Variants in FSIP2 observed in about 807,000 individuals in gnomAD.
FSIP2 encodes fibrous sheath-interacting protein 2.
Under a neutral mutation model 510.5 loss-of-function variants are expected in FSIP2, and 367 were observed. The observed-to-expected ratio is 0.72, with a 90% CI of 0.66 to 0.78. The LOEUF (loss-of-function observed/expected upper bound fraction) is 0.78. Among genes scored for constraint, FSIP2 ranks in the 30% least tolerant of loss-of-function variants. The pLI is 0.00. For synonymous variants in FSIP2, 2,601 were observed against 2,732.2 expected (o/e 0.95, Z 1.50); for missense variants, 7,594 against 7,901.7 (o/e 0.96, Z 1.48).
At chr2:185,745,233 C>G (rs1384337562) in intron 4 of FSIP2, among the ~76,000 whole-genome samples, 196 bp from the exon 5 acceptor site, 1 of 152,082 alleles carries the variant, frequency 6.6e-6, no homozygotes, top group Non-Finnish European at 1.5e-5. Context: ...GACAAATAAA[C>G]TGAAATGTTT....
At position 185,801,474 on chromosome 2, in the gene FSIP2, G is replaced by A. The variant is rs763816410; in HGVS notation, c.12168G>A (p.Gln4056=). The A allele has an allele frequency of 1.2e-4, 190 of 1,533,824 alleles. No homozygotes were observed. The highest frequency in any genetic ancestry group is 2.6e-4 in the Admixed American group (13 of 50,846). ...IVDSVYYDVL[Q]QYELKVACGN... ...ACTCAGTTTATTATGATGTTTTACA[G>A]CAGTATGAATTAAAAGTGGCCTGTG... Residue 4056 remains glutamine (Q), a synonymous_variant, in exon 17 of 23, where the codon CAG becomes CAA. Coordinates refer to ENST00000424728, the MANE Select transcript of FSIP2 (RefSeq NM_173651.4).
rs1693510065 is a variant in FSIP2, at chr2:185,804,340, T to C, written c.15034T>C (p.Cys5012Arg). The change falls in exon 17 of 23, where the codon TGT (cysteine) becomes CGT (arginine). Residue 5012 changes from cysteine to arginine, a missense_variant. Transcript: ENST00000424728. ...TGCAGATAACTTTGATAAAAATTTGTGTTTCTCAGAAAGATACAAAGAAAT... is the reference window on the plus strand; with the variant it reads ...TGCAGATAACTTTGATAAAAATTTGCGTTTCTCAGAAAGATACAAAGAAAT... ...LVADNFDKNL[C>R]FSERYKEMVQ... The C allele has an allele frequency of 6.6e-7, 1 of 1,506,016 alleles. No homozygotes were observed. Among genetic ancestry groups the C allele is most frequent in the African/African-American group, 1.4e-5 (1 of 71,254 alleles). The allele number at this position is 1,506,016 out of a possible 1,614,324, so 93.3% of individuals were successfully genotyped here. A position where few individuals can be genotyped will look rare whatever the true frequency, so the allele number is the denominator to read the frequency against.
At position 185,796,858 on chromosome 2, in the gene FSIP2, T is replaced by C; in HGVS notation, c.9722T>C (p.Val3241Ala). 6.5e-7 allele frequency: 1 copy of C among 1,535,100 alleles called. No homozygotes were observed. Among genetic ancestry groups the C allele is most frequent in the Non-Finnish European group, 8.7e-7 (1 of 1,146,288 alleles). ...TMPSCSTRNK[V>A]QDHRPRESNF... is the part of the protein sequence containing the mutation. ...CCATCGTGTTCTACTAGAAACAAAG[T>C]ACAAGACCACAGACCAAGGGAATCT... The change falls in exon 16 of 23, where the codon GTA (valine) becomes GCA (alanine). Residue 3241 changes from valine (V) to alanine (A), a missense_variant. Transcript: ENST00000424728.
chr2:185,747,237 T>G, intron 6 of FSIP2, 76 bp from the exon 7 acceptor site: 1 of 822,808 alleles, frequency 1.2e-6, no homozygotes, highest in Non-Finnish European at 1.9e-6. Flanking sequence ...TTTAATATAC[T>G]TTTTGGTGGG....
At chr2:185,749,740 G>A (rs1048425719) in intron 7 of FSIP2, among the ~76,000 whole-genome samples, 4 of 151,720 alleles carry the variant, frequency 2.6e-5, no homozygotes, top group Admixed American at 1.3e-4. Flanking sequence ...CTTTGCTAGT[G>A]ATCTCAAGGG....
intron 19 of FSIP2, among the ~76,000 whole-genome samples, chr2:185,821,807 T>C (rs1693925437): frequency 6.6e-6 from 1 of 151,620 alleles, no homozygotes; most frequent in African/African-American, 2.4e-5. Flanking sequence ...GCACCTATGG[T>C]CCCAGCTACT....
At position 185,803,625 on chromosome 2, in the gene FSIP2, T is replaced by C; in HGVS notation, c.14319T>C (p.Ser4773=). 6.5e-7 allele frequency: 1 copy of C among 1,529,106 alleles called. No individual in the cohort carries two copies. The highest frequency in any genetic ancestry group is 8.7e-7 in the Non-Finnish European group (1 of 1,143,460). 94.7% of individuals were successfully genotyped at this position (1,529,106 alleles called of 1,614,324 possible). A position where few individuals can be genotyped will look rare whatever the true frequency, so the allele number is the denominator to read the frequency against. Residue 4773 remains serine (S), a synonymous_variant, in exon 17 of 23, where the codon AGT becomes AGC. Transcript: ENST00000424728. ...TACAAAGAGTTCAATATGATATAAGTAAATCAAGATTCCAAAGACAAGCTT... is the reference window on the plus strand; with the variant it reads ...TACAAAGAGTTCAATATGATATAAGCAAATCAAGATTCCAAAGACAAGCTT... ...VLIQRVQYDI[S]KSRFQRQAST...
intron 13 of FSIP2, among the ~76,000 whole-genome samples, chr2:185,767,697 A>G (rs1692518007): frequency 6.6e-6 from 1 of 152,040 alleles, no homozygotes; most frequent in South Asian, 2.1e-4. Flanking sequence ...GTTTATTTAT[A>G]CATCTACTTA....
intron 20 of FSIP2, 119 bp from the exon 21 acceptor site, chr2:185,828,037 G>T: frequency 3.4e-6 from 2 of 594,682 alleles, no homozygotes; most frequent in African/African-American, 1.9e-5. Flanking sequence ...CAACTTCTTC[G>T]ACCTGCCTAA....
At chr2:185,754,811 T>G (rs755205685) in intron 8 of FSIP2, among the ~76,000 whole-genome samples, 9 of 151,534 alleles carry the variant, frequency 5.9e-5, no homozygotes, top group Non-Finnish European at 1.0e-4. Flanking sequence ...TGTTTCATCA[T>G]TTTCTAGCGA....
At position 185,803,973 on chromosome 2, in the gene FSIP2, C is replaced by G; in HGVS notation, c.14667C>G (p.Asp4889Glu). The change falls in exon 17 of 23, where the codon GAC (aspartate) becomes GAG (glutamate). Residue 4889 changes from aspartate to glutamate, a missense_variant. Coordinates refer to ENST00000424728, the MANE Select transcript of FSIP2 (RefSeq NM_173651.4). The stretch of plus-strand genomic sequence containing the variant: ...CAAAAGATAAAAAGAGCATAAGTGA[C>G]ATACCTGTTTCAAAAATAGCGAGTT... ...SITKDKKSIS[D>E]IPVSKIASFI... 1 of 1,498,110 alleles carries G rather than the reference C, an allele frequency of 6.7e-7. No homozygotes were observed. The highest frequency in any genetic ancestry group is 8.9e-7 in the Non-Finnish European group (1 of 1,126,070). 92.8% of individuals were successfully genotyped at this position (1,498,110 alleles called of 1,614,324 possible). A position where few individuals can be genotyped will look rare whatever the true frequency, so the allele number is the denominator to read the frequency against.
chr2:185,777,719 T>A (rs1343273467), intron 13 of FSIP2, among the ~76,000 whole-genome samples: 3 of 152,104 alleles, frequency 2.0e-5, no homozygotes, highest in Admixed American at 6.5e-5. Context: ...ATCTATCGTG[T>A]GTTTTTCTTC....
rs1693782451 is a variant in FSIP2, at chr2:185,813,769, A to C, written c.20052A>C (p.Glu6684Asp). ...AAGAAGAAGGCATCAAAGTATTTGA[A>C]GATCAAGTGAAAGAAGTCAAGAAGC... Reference protein sequence around the residue: ...FAKEEGIKVFEDQVKEVKKPI... With the variant: ...FAKEEGIKVFDDQVKEVKKPI... The change falls in exon 18 of 23, where the codon GAA (glutamate) becomes GAC (aspartate). Residue 6684 changes from glutamate to aspartate, a missense_variant. By Grantham distance (45) the Glu-to-Asp change is conservative. Coordinates refer to ENST00000424728, the MANE Select transcript of FSIP2 (RefSeq NM_173651.4). The C allele has an allele frequency of 6.2e-7, 1 of 1,613,154 alleles. No individual in the cohort carries two copies. Among genetic ancestry groups the C allele is most frequent in the African/African-American group, 1.3e-5 (1 of 75,022 alleles).
Position 185,801,429 on chromosome 2 carries a change from A to G in FSIP2, c.12123A>G (p.Glu4041=), listed in dbSNP as rs1050217840. The G allele has an allele frequency of 6.5e-7, 1 of 1,533,942 alleles. No individual in the cohort carries two copies. Among genetic ancestry groups the G allele is most frequent in the African/African-American group, 1.4e-5 (1 of 72,886 alleles). ...ERLCFPPVHT[E]TVSKIVDSVY... ...TGTGTTTTCCACCAGTTCATACAGAAACTGTTAGCAAAATTGTTGACTCAG... is the reference window on the plus strand; with the variant it reads ...TGTGTTTTCCACCAGTTCATACAGAGACTGTTAGCAAAATTGTTGACTCAG... The change falls in exon 17 of 23, where the codon GAA becomes GAG. Residue 4041 remains glutamate (E), a synonymous_variant. Transcript: ENST00000424728.
rs1427165567 is a variant in FSIP2 at position 185,793,486 on chromosome 2, C to T, written c.6350C>T (p.Thr2117Ile). ...AATAATCTCTCATTTGCCACACCCACTCTGAAATGTAGCATAGCTGATAAA... is the reference window on the plus strand; with the variant it reads ...AATAATCTCTCATTTGCCACACCCATTCTGAAATGTAGCATAGCTGATAAA... ...FQNNLSFATP[T>I]LKCSIADKHS... The change falls in exon 16 of 23, where the codon ACT (threonine) becomes ATT (isoleucine). Residue 2117 changes from threonine (T) to isoleucine (I), a missense_variant. Coordinates refer to ENST00000424728, the MANE Select transcript of FSIP2 (RefSeq NM_173651.4). 6.5e-7 allele frequency: 1 copy of T among 1,534,472 alleles called. No homozygotes were observed. The highest frequency in any genetic ancestry group is 8.7e-7 in the Non-Finnish European group (1 of 1,145,674).
intron 15 of FSIP2, 114 bp downstream of exon 15, chr2:185,786,402 A>G: frequency 1.4e-6 from 1 of 701,316 alleles, no homozygotes; most frequent in South Asian, 2.0e-5. Context: ...GATATTTGTT[A>G]GGCTTCCTTT....
intron 2 of FSIP2, chr2:185,740,456 T>G (rs992408410): frequency 6.6e-6 from 1 of 152,202 alleles, no homozygotes; most frequent in African/African-American, 2.4e-5. Flanking sequence ...TGGTTGCTTT[T>G]ATCAGTTTTG....
intron 7 of FSIP2, among the ~76,000 whole-genome samples, chr2:185,753,054 T>A (rs1241186554): frequency 6.6e-6 from 1 of 151,304 alleles, no homozygotes; most frequent in Non-Finnish European, 1.5e-5. Context: ...AAGATCCATC[T>A]TAGTACTCTA....
Position 185,792,112 on chromosome 2 carries a change from A to T in FSIP2, c.4976A>T (p.Asn1659Ile). ...TTGAAGGTTATTCAAACAGAATTAA[A>T]TGTGACCTCATCAGATTTGAAGACA... ...AILKVIQTEL[N>I]VTSSDLKTSV... The change falls in exon 16 of 23, where the codon AAT (asparagine) becomes ATT (isoleucine). Residue 1659 changes from asparagine (N) to isoleucine (I), a missense_variant. Physicochemically the swap from Asn to Ile is moderately radical, Grantham distance 149 (BLOSUM62 -3). Transcript: ENST00000424728. 6.5e-7 allele frequency: 1 copy of T among 1,534,050 alleles called. No individual in the cohort carries two copies. Among genetic ancestry groups the T allele is most frequent in the Non-Finnish European group, 8.7e-7 (1 of 1,145,460 alleles).
Sources: allele counts gnomAD v4.1 joint callset (sites outside exome capture counted in the v4.1 genomes callset), GRCh38; gene constraint gnomAD v4.1.1; transcripts MANE v1.5; gene names NCBI Gene and HGNC (gene_info 2026-07-23, HGNC 2026-07-21).